Variants in KHDRBS2 observed in about 807,000 individuals in gnomAD.
KHDRBS2 encodes the protein KH domain-containing, RNA-binding, signal transduction-associated protein 2.
Under a neutral mutation model 44.3 loss-of-function variants are expected in KHDRBS2, and 26 were observed. The observed-to-expected ratio is 0.59, with a 90% confidence interval of 0.43 to 0.81. The LOEUF (loss-of-function observed/expected upper bound fraction) is 0.81. Among genes scored for constraint, KHDRBS2 ranks in the 40% least tolerant of loss-of-function variants. KHDRBS2 has a pLI of 0.00. For missense variants in KHDRBS2, 476 were observed against 433.1 expected, an observed-to-expected ratio of 1.10 and a Z score of -0.88; for synonymous variants, 194 against 151.1, an observed-to-expected ratio of 1.28 and a Z score of -2.08.
intron 4 of KHDRBS2, among the ~76,000 whole-genome samples, chr6:61,957,743 C>T (rs1408408965): frequency 1.3e-5 from 2 of 152,100 alleles, no homozygotes; most frequent in Admixed American, 6.6e-5. Flanking sequence ...CTCACCCTGC[C>T]TCCATTTACC....
At chr6:61,770,945 G>A (rs1441441651) in intron 6 of KHDRBS2, among the ~76,000 whole-genome samples, 7 of 152,278 alleles carry the variant, frequency 4.6e-5, no homozygotes, top group Non-Finnish European at 8.8e-5. Context: ...AGAAAGGTCA[G>A]GTTACCCACA....
the KHDRBS2 span, among the ~76,000 whole-genome samples, chr6:61,658,462 A>C: frequency 1.3e-5 from 2 of 151,918 alleles, no homozygotes; most frequent in Non-Finnish European, 2.9e-5. Context: ...CTCTAAAGCC[A>C]TGTTTTTATA....
chr6:61,558,162 T>G, the KHDRBS2 span, among the ~76,000 whole-genome samples: 1 of 152,162 alleles, frequency 6.6e-6, no homozygotes, highest in Admixed American at 6.5e-5. Context: ...ATTTTCTTCT[T>G]CTGTTTTTGG....
intron 3 of KHDRBS2, among the ~76,000 whole-genome samples, chr6:62,037,000 A>C (rs2127296568): frequency 6.6e-6 from 1 of 152,140 alleles, no homozygotes; most frequent in African/African-American, 2.4e-5. Flanking sequence ...AATGTTGCCC[A>C]AGTTTAATTC....
chr6:61,626,004 A>G, the KHDRBS2 span, among the ~76,000 whole-genome samples: 5 of 152,250 alleles, frequency 3.3e-5, no homozygotes, highest in African/African-American at 1.2e-4. Context: ...ATTTGAAATA[A>G]CAGACATGTT....
At chr6:61,897,711 G>GTCTCTGTC (rs1803177627) in intron 5 of KHDRBS2, among the ~76,000 whole-genome samples, 1 of 148,472 alleles carries the variant, frequency 6.7e-6, no homozygotes, top group African/African-American at 2.5e-5. Context: ...CTCTGTCTCT[G>GTCTCTGTC]TCTCTCTCTC....
chr6:61,939,723 A>G (rs1811769304), intron 4 of KHDRBS2, among the ~76,000 whole-genome samples: 1 of 152,222 alleles, frequency 6.6e-6, no homozygotes, highest in Non-Finnish European at 1.5e-5. Context: ...TTGAAGAATC[A>G]GCATGATAGA....
chr6:61,744,607 T>C (rs1170037284), intron 6 of KHDRBS2, among the ~76,000 whole-genome samples: 1 of 152,114 alleles, frequency 6.6e-6, no homozygotes, highest in African/African-American at 2.4e-5. Flanking sequence ...TTTGCTGTAT[T>C]GAGGAGGGAA....
intron 3 of KHDRBS2, among the ~76,000 whole-genome samples, chr6:62,000,898 T>A (rs1778111815): frequency 6.6e-6 from 1 of 152,222 alleles, no homozygotes; most frequent in African/African-American, 2.4e-5. Context: ...GAAAAATTAG[T>A]ACTATTAAAT....
At chr6:61,789,297 A>G (rs1784276024) in intron 6 of KHDRBS2, among the ~76,000 whole-genome samples, 1 of 151,538 alleles carries the variant, frequency 6.6e-6, no homozygotes, top group African/African-American at 2.4e-5. Context: ...TTTAAAATAG[A>G]AAGTAAAGTA....
At chr6:61,656,573 G>A in the KHDRBS2 span, among the ~76,000 whole-genome samples, 123 of 152,080 alleles carry the variant, frequency 8.1e-4, 1 homozygote, top group East Asian at 0.023. Context: ...TCAGTGGTGT[G>A]CTGGTAAACT....
the KHDRBS2 span, among the ~76,000 whole-genome samples, chr6:61,627,289 G>A: frequency 6.9e-6 from 1 of 144,388 alleles, no homozygotes; most frequent in Non-Finnish European, 1.5e-5. Flanking sequence ...AAAAGAATTT[G>A]GCTGGTTTTT....
the KHDRBS2 span, among the ~76,000 whole-genome samples, chr6:61,591,954 A>G: frequency 6.6e-6 from 1 of 152,148 alleles, no homozygotes; most frequent in East Asian, 1.9e-4. Flanking sequence ...TGGGAAGCCA[A>G]GGCAAGAGAG....
intron 4 of KHDRBS2, among the ~76,000 whole-genome samples, chr6:61,942,284 A>G (rs749569263): frequency 6.6e-6 from 1 of 152,174 alleles, no homozygotes; most frequent in Admixed American, 6.6e-5. Flanking sequence ...CAGATTCTAG[A>G]TATGCTCAAT....
intron 4 of KHDRBS2, among the ~76,000 whole-genome samples, chr6:61,954,379 GC>G (rs1765518982): frequency 7.9e-5 from 5 of 63,246 alleles, no homozygotes; most frequent in African/African-American, 2.8e-4. Flanking sequence ...ACGTATGTAT[GC>G]ATGCATACAT....
rs540607429 is a variant in KHDRBS2, at chr6:62,109,360, A to G, written c.220-61366T>C. 8.6e-5 allele frequency among the ~76,000 whole-genome samples: 13 copies of G among 151,998 alleles called. No individual in the cohort carries two copies. In the East Asian group the frequency reaches 2.3e-3, roughly 27 times the overall value. ...ATGAAAATTCCTTATTTTTTTCAAG[A>G]GCATCTTCAAAAATTCTATAGCTAA... On this transcript the variant is annotated intron_variant, in intron 2 of 8. Transcript: ENST00000281156.
chr6:62,053,520 A>C (rs1360386219), intron 2 of KHDRBS2, among the ~76,000 whole-genome samples: 1 of 152,030 alleles, frequency 6.6e-6, no homozygotes, highest in African/African-American at 2.4e-5. Flanking sequence ...CAAATTAATG[A>C]ATAAAAAGGC....
the KHDRBS2 span, among the ~76,000 whole-genome samples, chr6:61,603,237 A>T: frequency 6.6e-6 from 1 of 152,264 alleles, no homozygotes; most frequent in African/African-American, 2.4e-5. Context: ...TTAGTTCAGG[A>T]TCTGTGCCTT....
intron 6 of KHDRBS2, among the ~76,000 whole-genome samples, chr6:61,854,822 A>G (rs750291101): frequency 3.9e-5 from 6 of 152,216 alleles, no homozygotes; most frequent in Non-Finnish European, 5.9e-5. Flanking sequence ...TTTGAAGACC[A>G]TAATTATCTT....
Sources: gnomAD v4.1 joint callset for allele counts (sites outside exome capture counted in the v4.1 genomes callset) on GRCh38, gnomAD v4.1.1 for gene constraint, MANE v1.5 for transcripts, NCBI Gene and HGNC (gene_info 2026-07-23, HGNC 2026-07-21) for gene names.